Variants in PDZRN3 observed in about 807,000 individuals in gnomAD.
The protein encoded by PDZRN3 is PDZ domain containing ring finger 3.
In PDZRN3, 38 loss-of-function variants were observed where a neutral mutation model predicts 85.7. The observed-to-expected ratio is 0.44, with a 90% CI of 0.34 to 0.58. The LOEUF (loss-of-function observed/expected upper bound fraction) is 0.58, where lower values mean the gene tolerates loss of function less well. PDZRN3 is among the 20% of genes least tolerant of loss of function. The pLI is 0.01. For synonymous variants in PDZRN3, 759 were observed against 638.0 expected, an observed-to-expected ratio of 1.19 and a Z score of -2.86; for missense variants, 1,629 against 1,506.4, an observed-to-expected ratio of 1.08 and a Z score of -1.35.
intron 1 of PDZRN3, among the ~76,000 whole-genome samples, chr3:73,618,975 G>A (rs1217581412): frequency 1.3e-5 from 2 of 152,152 alleles, no homozygotes; most frequent in African/African-American, 4.8e-5. Flanking sequence ...ACATTTCAAA[G>A]TGTTTGGACA....
intron 1 of PDZRN3, among the ~76,000 whole-genome samples, chr3:73,610,054 C>A (rs577243110): frequency 6.6e-6 from 1 of 152,162 alleles, no homozygotes; most frequent in Non-Finnish European, 1.5e-5. Context: ...CCCTTTCTCA[C>A]GAGTAGTTAT....
intron 3 of PDZRN3, among the ~76,000 whole-genome samples, chr3:73,510,698 T>C (rs1374637736): frequency 6.6e-6 from 1 of 152,198 alleles, no homozygotes; most frequent in African/African-American, 2.4e-5. Context: ...TAGGGATATA[T>C]TGCCCAGGGC....
At chr3:73,457,424 G>C (rs985571968) in intron 3 of PDZRN3, among the ~76,000 whole-genome samples, 8 of 152,106 alleles carry the variant, frequency 5.3e-5, no homozygotes, top group African/African-American at 1.9e-4. Context: ...TAGAGAAACA[G>C]TGTTTGTGAA....
intron 3 of PDZRN3, among the ~76,000 whole-genome samples, chr3:73,477,217 A>G (rs1455839252): frequency 6.6e-6 from 1 of 152,226 alleles, no homozygotes; most frequent in African/African-American, 2.4e-5. Context: ...AGTAGGCACT[A>G]ATTAAATGTT....
At chr3:73,458,883 T>C (rs1163124183) in intron 3 of PDZRN3, among the ~76,000 whole-genome samples, 1 of 151,294 alleles carries the variant, frequency 6.6e-6, no homozygotes, top group Non-Finnish European at 1.5e-5. Flanking sequence ...CCCCAGCTAC[T>C]TGGGAGGCTG....
chr3:73,397,306 G>A (rs956682132), intron 5 of PDZRN3, among the ~76,000 whole-genome samples: 3 of 152,118 alleles, frequency 2.0e-5, no homozygotes, highest in Non-Finnish European at 2.9e-5. Context: ...TTTGGAAGGC[G>A]CTGACTTTAG....
chr3:73,424,391 A>AAAAAAAG (rs1459951902), intron 3 of PDZRN3, among the ~76,000 whole-genome samples: 1 of 145,450 alleles, frequency 6.9e-6, no homozygotes, highest in Non-Finnish European at 1.5e-5. Context: ...AAAAAAAAAA[A>AAAAAAAG]ATAGCTGAGT....
chr3:73,564,254 T>C (rs563230352), intron 3 of PDZRN3, among the ~76,000 whole-genome samples: 7 of 152,294 alleles, frequency 4.6e-5, no homozygotes, highest in Non-Finnish European at 7.4e-5. Context: ...CTGGGAGCCA[T>C]GTACCTACTT....
intron 3 of PDZRN3, among the ~76,000 whole-genome samples, chr3:73,412,216 G>A (rs901510827): frequency 2.6e-5 from 4 of 152,278 alleles, no homozygotes; most frequent in South Asian, 2.1e-4. Flanking sequence ...TTTTGCAAGC[G>A]TCATGCCCGA....
At chr3:73,432,372 T>C (rs1702449587) in intron 3 of PDZRN3, among the ~76,000 whole-genome samples, 1 of 152,222 alleles carries the variant, frequency 6.6e-6, no homozygotes, top group African/African-American at 2.4e-5. Context: ...GAGTGTGAAG[T>C]CACAGGTCGG....
chr3:73,495,820 C>T (rs1258035596), intron 3 of PDZRN3, among the ~76,000 whole-genome samples: 2 of 152,094 alleles, frequency 1.3e-5, no homozygotes, highest in East Asian at 1.9e-4. Flanking sequence ...TATTTTTCTC[C>T]ACTTTTTAAG....
chr3:73,504,009 C>G (rs74781998), intron 3 of PDZRN3, among the ~76,000 whole-genome samples: 99 of 152,304 alleles, frequency 6.5e-4, no homozygotes, highest in Non-Finnish European at 1.3e-3. Context: ...TAGAGTTGAA[C>G]ACAGTATCCC....
In PDZRN3 at chr3:73,600,337, A is replaced by ACACACACACTCTCTCTCTCT. The variant is rs34405662; in HGVS notation, c.918+2016_918+2017insAGAGAGAGAGAGTGTGTGTG. Among the ~76,000 whole-genome samples the ACACACACACTCTCTCTCTCT allele has an allele frequency of 1.1e-3, 113 of 100,060 alleles. 1 individual carries two copies. Among genetic ancestry groups the ACACACACACTCTCTCTCTCT allele is most frequent in the South Asian group, 5.1e-3 (13 of 2,564 alleles). 65.6% of individuals were successfully genotyped at this position (100,060 alleles called of 152,430 possible). ...CACACACACACACACACACACACAC[A>ACACACACACTCTCTCTCTCT]CTCTCTCTCTCTCTCTCTCTCTCTC... On this transcript the variant is annotated intron_variant, in intron 3 of 9. Coordinates refer to ENST00000263666, the MANE Select transcript of PDZRN3 (RefSeq NM_015009.3).
At chr3:73,448,447 G>C (rs1702794204) in intron 3 of PDZRN3, among the ~76,000 whole-genome samples, 1 of 152,158 alleles carries the variant, frequency 6.6e-6, no homozygotes, top group Admixed American at 6.5e-5. Flanking sequence ...CCCTTGTATA[G>C]CTCAGCGTCT....
chr3:73,445,180 G>A (rs1348492862), intron 3 of PDZRN3, among the ~76,000 whole-genome samples: 1 of 151,604 alleles, frequency 6.6e-6, no homozygotes, highest in Non-Finnish European at 1.5e-5. Context: ...TCAAACCACA[G>A]CCAGAAGTGG....
At chr3:73,521,615 T>C (rs1704367658) in intron 3 of PDZRN3, among the ~76,000 whole-genome samples, 1 of 152,156 alleles carries the variant, frequency 6.6e-6, no homozygotes, top group Non-Finnish European at 1.5e-5. Flanking sequence ...AGATGCCTGC[T>C]GAAGTCGATG....
At chr3:73,411,402 T>TCTCTGTTTTAGAACTTC (rs1701963927) in intron 3 of PDZRN3, among the ~76,000 whole-genome samples, 1 of 152,220 alleles carries the variant, frequency 6.6e-6, no homozygotes, top group Admixed American at 6.5e-5. Flanking sequence ...TCTCTGTCTG[T>TCTCTGTTTTAGAACTTC]CTCTGTTTTA....
intron 3 of PDZRN3, among the ~76,000 whole-genome samples, chr3:73,600,698 C>T (rs1296377657): frequency 6.6e-6 from 1 of 152,178 alleles, no homozygotes; most frequent in African/African-American, 2.4e-5. Flanking sequence ...ATTTGCAAAA[C>T]ACAAGAGCAA....
intron 3 of PDZRN3, among the ~76,000 whole-genome samples, chr3:73,427,230 G>A (rs115748732): frequency 1.4e-3 from 212 of 152,284 alleles, no homozygotes; most frequent in African/African-American, 4.3e-3. Context: ...CAGCTGTTCC[G>A]CAGCACAGCT....
Sources: allele counts gnomAD v4.1 joint callset (sites outside exome capture counted in the v4.1 genomes callset), GRCh38; gene constraint gnomAD v4.1.1; transcripts MANE v1.5; gene names NCBI Gene and HGNC (gene_info 2026-07-23, HGNC 2026-07-21).